The following KCNN2 variants were observed in gnomAD, a reference collection of about 807,000 sequenced individuals.
The protein encoded by KCNN2 is small conductance calcium-activated potassium channel protein 2.
Under a neutral mutation model 55.5 loss-of-function variants are expected in KCNN2, and 24 were observed. The ratio of observed to expected loss-of-function variants is 0.43; its 90% confidence interval spans 0.31 to 0.61. The LOEUF (loss-of-function observed/expected upper bound fraction) is 0.61. Ranked by LOEUF, KCNN2 falls within the 20% of genes least tolerant of loss-of-function variation. The pLI, the probability that KCNN2 is intolerant of heterozygous loss-of-function variation, is 0.08. For missense variants in KCNN2, 754 were observed against 853.6 expected (o/e 0.88, Z 1.45); for synonymous variants, 431 against 336.1 (o/e 1.28, Z -3.09).
intron 3 of KCNN2, among the ~76,000 whole-genome samples, chr5:114,427,890 C>T (rs1320657116): frequency 6.6e-6 from 1 of 152,120 alleles, no homozygotes; most frequent in African/African-American, 2.4e-5. Context: ...TAAATTGGTA[C>T]TATTAATCTA....
Position 114,362,757 on chromosome 5 carries a change from C to A in KCNN2, c.618C>A (p.Asn206Lys). The change falls in exon 1 of 8, where the codon AAC (asparagine) becomes AAA (lysine). Residue 206 changes from asparagine (N) to lysine (K), a missense_variant. Transcript: ENST00000673685. ...AGCCCCAGGCGCGCCGCGAGAGCAA[C>A]CCCTTCACCGAAATAGCCATGAGCA... ...HHQPQARRES[N>K]PFTEIAMSSC... 1 of 1,562,836 alleles carries A rather than the reference C, an allele frequency of 6.4e-7. No individual in the cohort carries two copies.
chr5:114,057,986 G>T (rs867891103), intron 1 of KCNN2, among the ~76,000 whole-genome samples: 1 of 152,224 alleles, frequency 6.6e-6, no homozygotes, highest in South Asian at 2.1e-4. Flanking sequence ...TTGGAAAACA[G>T]TTTGATGTTA....
intron 2 of KCNN2, among the ~76,000 whole-genome samples, chr5:114,241,822 GTGTATA>G (rs1561537299): frequency 0.023 from 149 of 6,364 alleles, 47 homozygotes; most frequent in Non-Finnish European, 0.067. Flanking sequence ...ATATATATGT[GTGTATA>G]TATATATATA....
At chr5:114,355,587 GC>G (rs1757280939) in intron 2 of KCNN2, among the ~76,000 whole-genome samples, 1 of 152,112 alleles carries the variant, frequency 6.6e-6, no homozygotes, top group Non-Finnish European at 1.5e-5. Flanking sequence ...GTGCAGCCTG[GC>G]TTCCTTTCTC....
At chr5:114,194,138 T>C (rs2112565649) in intron 1 of KCNN2, among the ~76,000 whole-genome samples, 1 of 152,264 alleles carries the variant, frequency 6.6e-6, no homozygotes, top group Non-Finnish European at 1.5e-5. Flanking sequence ...ATATTATTCA[T>C]AGTACAATAA....
chr5:114,447,716 A>C (rs1336474942), intron 3 of KCNN2, among the ~76,000 whole-genome samples: 2 of 152,202 alleles, frequency 1.3e-5, no homozygotes, highest in Non-Finnish European at 2.9e-5. Flanking sequence ...GTGAGCCAGA[A>C]TTGTGATTCT....
intron 1 of KCNN2, among the ~76,000 whole-genome samples, chr5:114,109,589 C>G (rs755222688): frequency 1.3e-5 from 2 of 152,004 alleles, no homozygotes; most frequent in Admixed American, 6.6e-5. Flanking sequence ...AGTAATGACA[C>G]AACCGAATAT....
intron 6 of KCNN2, 75 bp from the exon 7 acceptor site, chr5:114,493,328 G>T (rs561128904): frequency 1.1e-6 from 1 of 910,356 alleles, no homozygotes; most frequent in Non-Finnish European, 1.9e-6. Context: ...TGTCAATTTT[G>T]TGCATGCTCT....
At chr5:114,325,499 A>G (rs952717815) in intron 2 of KCNN2, among the ~76,000 whole-genome samples, 45 of 152,256 alleles carry the variant, frequency 3.0e-4, no homozygotes, top group African/African-American at 1.1e-3. Context: ...TCAATCACAC[A>G]AAAGGCACTT....
intron 1 of KCNN2, among the ~76,000 whole-genome samples, chr5:114,211,791 A>G (rs1753890837): frequency 6.6e-6 from 1 of 152,048 alleles, no homozygotes; most frequent in Non-Finnish European, 1.5e-5. Context: ...AAAAGGTTGC[A>G]TATACCTTAT....
intron 2 of KCNN2, among the ~76,000 whole-genome samples, chr5:114,285,137 A>C (rs1755712445): frequency 6.6e-6 from 1 of 151,556 alleles, no homozygotes; most frequent in Non-Finnish European, 1.5e-5. Context: ...TAAAAAAATT[A>C]GCCGGGTGTG....
intron 1 of KCNN2, among the ~76,000 whole-genome samples, chr5:114,169,401 G>A (rs947134168): frequency 6.6e-6 from 1 of 152,216 alleles, no homozygotes; most frequent in Middle Eastern, 3.4e-3. Flanking sequence ...GTAAGAGTCA[G>A]AGTGGGAGAG....
chr5:114,213,144 T>C (rs892536818), intron 1 of KCNN2, among the ~76,000 whole-genome samples: 1 of 151,976 alleles, frequency 6.6e-6, no homozygotes, highest in Non-Finnish European at 1.5e-5. Flanking sequence ...TTCCTTTGTC[T>C]CCATAGTTGA....
At chr5:114,472,501 A>G (rs2150124125) in intron 4 of KCNN2, among the ~76,000 whole-genome samples, 1 of 152,228 alleles carries the variant, frequency 6.6e-6, no homozygotes, top group East Asian at 1.9e-4. Context: ...TGCCCAGGTT[A>G]AGATCACTGT....
intron 1 of KCNN2, among the ~76,000 whole-genome samples, chr5:114,090,293 T>C (rs1339993233): frequency 1.3e-5 from 2 of 152,154 alleles, no homozygotes; most frequent in Non-Finnish European, 2.9e-5. Context: ...CTGATTCTTT[T>C]AAGGTATCTT....
chr5:114,074,848 C>G (rs556803540), intron 1 of KCNN2, among the ~76,000 whole-genome samples: 5 of 152,266 alleles, frequency 3.3e-5, no homozygotes, highest in African/African-American at 7.2e-5. Context: ...GAGTCAGGCT[C>G]TATGAAAATT....
intron 1 of KCNN2, among the ~76,000 whole-genome samples, chr5:114,098,992 T>C (rs184761712): frequency 9.9e-4 from 151 of 152,250 alleles, no homozygotes; most frequent in Non-Finnish European, 1.8e-3. Context: ...ATAAAATTTG[T>C]ATAACACAAA....
chr5:114,283,460 T>G (rs1755666181), intron 2 of KCNN2, among the ~76,000 whole-genome samples: 1 of 152,228 alleles, frequency 6.6e-6, no homozygotes, highest in Admixed American at 6.5e-5. Context: ...TATATTTCAT[T>G]GGTTGTAATA....
chr5:114,166,779 T>A (rs1051418672), intron 1 of KCNN2, among the ~76,000 whole-genome samples: 2 of 152,040 alleles, frequency 1.3e-5, no homozygotes, highest in African/African-American at 4.8e-5. Context: ...ATGATGGTAT[T>A]AGGGGGGTAG....
Sources: allele counts gnomAD v4.1 joint callset (sites outside exome capture counted in the v4.1 genomes callset), GRCh38; gene constraint gnomAD v4.1.1; transcripts MANE v1.5; gene names NCBI Gene and HGNC (gene_info 2026-07-23, HGNC 2026-07-21).